FARSB: variants seen among roughly 807,000 people sequenced by gnomAD.
FARSB encodes the protein phenylalanine--tRNA ligase beta subunit.
Under a neutral mutation model 69.6 loss-of-function variants are expected in FARSB, and 40 were observed. That is an observed-to-expected ratio of 0.57 (90% CI 0.45 to 0.75). The LOEUF is 0.75. Ranked by LOEUF, FARSB falls within the 30% of genes least tolerant of loss-of-function variation. The pLI is 0.00. For synonymous variants in FARSB, 235 were observed against 247.2 expected, an observed-to-expected ratio of 0.95 and a Z score of 0.46; for missense variants, 632 against 722.9, an observed-to-expected ratio of 0.87 and a Z score of 1.44.
In FARSB at chr2:222,600,041, T is replaced by C; in HGVS notation, c.1505A>G (p.Tyr502Cys). 6.2e-7 allele frequency: 1 copy of C among 1,611,032 alleles called. No individual in the cohort carries two copies. The highest frequency in any genetic ancestry group is 8.5e-7 in the Non-Finnish European group (1 of 1,179,270). ...KNYRHLCAVY[Y>C]NKNPGFEIIH... ...GATCTCAAACCCAGGATTCTTGTTG[T>C]AATAAACAGCACAGAGATGTCTGTA... Residue 502 changes from tyrosine to cysteine, a missense_variant, in exon 16 of 17, where the codon TAC (tyrosine) becomes TGC (cysteine). Transcript: ENST00000281828.
At chr2:222,650,002 C>T (rs1416986780) in intron 1 of FARSB, among the ~76,000 whole-genome samples, 1 of 152,172 alleles carries the variant, frequency 6.6e-6, no homozygotes, top group African/African-American at 2.4e-5. Flanking sequence ...CCTGCCTTAA[C>T]TACTTCCTCA....
intron 3 of FARSB, among the ~76,000 whole-genome samples, chr2:222,641,496 CA>C (rs1465353222): frequency 6.6e-6 from 1 of 152,176 alleles, no homozygotes; most frequent in East Asian, 1.9e-4. Context: ...TGCTTACAAT[CA>C]ATTGGGGAGT....
rs548893496 is a variant in FARSB, at chr2:222,627,362, G to A, written c.900+1475C>T. On this transcript the variant is annotated intron_variant, in intron 10 of 16. Coordinates refer to ENST00000281828, the MANE Select transcript of FARSB (RefSeq NM_005687.5). Reference sequence around the variant, plus strand: ...ACCAACCCCAAGTCAAAAAGCCCAAGCTAGCCTGCTATATGATGAGGGACA... The same window carrying A: ...ACCAACCCCAAGTCAAAAAGCCCAAACTAGCCTGCTATATGATGAGGGACA... 2.0e-5 allele frequency among the ~76,000 whole-genome samples: 3 copies of A among 152,334 alleles called. No individual in the cohort carries two copies. The South Asian group carries it at 6.2e-4, about 32-fold the overall frequency.
chr2:222,577,075 C>T (rs1408073650), intron 16 of FARSB, among the ~76,000 whole-genome samples: 1 of 151,714 alleles, frequency 6.6e-6, no homozygotes, highest in East Asian at 1.9e-4. Context: ...GACATTAGAG[C>T]TTATAAAAGG....
intron 5 of FARSB, among the ~76,000 whole-genome samples, chr2:222,635,655 T>C (rs1318220665): frequency 2.6e-5 from 4 of 152,078 alleles, no homozygotes; most frequent in African/African-American, 9.7e-5. Flanking sequence ...CCTCAAAACA[T>C]CACCAAAATT....
chr2:222,650,851 G>A (rs1250943141), intron 1 of FARSB, among the ~76,000 whole-genome samples: 1 of 152,144 alleles, frequency 6.6e-6, no homozygotes, highest in African/African-American at 2.4e-5. Flanking sequence ...CCCGATTCCT[G>A]TCTCTCAGAA....
intron 14 of FARSB, among the ~76,000 whole-genome samples, chr2:222,617,775 C>T (rs147938919): frequency 0.011 from 1,625 of 152,180 alleles, 31 homozygotes; most frequent in Non-Finnish European, 0.015. Flanking sequence ...CCCAGCTACT[C>T]GGGAGGCTGG....
intron 15 of FARSB, among the ~76,000 whole-genome samples, chr2:222,606,717 T>C (rs755920669): frequency 1.3e-5 from 2 of 152,206 alleles, no homozygotes; most frequent in Non-Finnish European, 2.9e-5. Context: ...ATAACTCAAA[T>C]TTTTCAAATA....
chr2:222,612,441 A>G (rs2028953), intron 15 of FARSB, among the ~76,000 whole-genome samples: 40,431 of 152,224 alleles, frequency 0.27, 5,751 homozygotes, highest in Middle Eastern at 0.43. Context: ...AGAGTTTGCC[A>G]TGGACAGTAG....
At position 222,642,836 on chromosome 2, in the gene FARSB, A is replaced by T; in HGVS notation, c.269+15T>A. Reference sequence around the variant, plus strand: ...ACCCAACTTAGCAAAGTCTTTAAGGAACATATTTCCTTACCTTTCTTTGAA... The same window carrying T: ...ACCCAACTTAGCAAAGTCTTTAAGGTACATATTTCCTTACCTTTCTTTGAA... On this transcript the variant is annotated intron_variant, in intron 3 of 16. Coordinates refer to ENST00000281828, the MANE Select transcript of FARSB (RefSeq NM_005687.5). 1 of 1,580,544 alleles carries T rather than the reference A, an allele frequency of 6.3e-7. No homozygotes were observed. The highest frequency in any genetic ancestry group is 8.6e-7 in the Non-Finnish European group (1 of 1,163,370).
At chr2:222,608,366 T>C (rs1409614196) in intron 15 of FARSB, among the ~76,000 whole-genome samples, 2 of 152,164 alleles carry the variant, frequency 1.3e-5, no homozygotes, top group Non-Finnish European at 2.9e-5. Flanking sequence ...AATGCTTTTA[T>C]TGAGTTATTT....
chr2:222,632,841 A>G (rs979536490), intron 7 of FARSB, among the ~76,000 whole-genome samples: 3 of 140,868 alleles, frequency 2.1e-5, no homozygotes, highest in Admixed American at 1.4e-4. Flanking sequence ...CAACAACAAC[A>G]AAAAAAAAAA....
At chr2:222,576,690 G>A (rs745726122) in intron 16 of FARSB, among the ~76,000 whole-genome samples, 38 of 152,122 alleles carry the variant, frequency 2.5e-4, no homozygotes, top group Non-Finnish European at 1.8e-4. Flanking sequence ...AACATCTCCA[G>A]TGTTCCATAC....
intron 7 of FARSB, 128 bp downstream of exon 7, chr2:222,633,071 A>C: frequency 1.6e-6 from 1 of 644,032 alleles, no homozygotes; most frequent in South Asian, 1.8e-5. Flanking sequence ...AGAATCTACA[A>C]AAGACCTGAG....
At chr2:222,578,784 C>T (rs1689897013) in intron 16 of FARSB, among the ~76,000 whole-genome samples, 1 of 151,788 alleles carries the variant, frequency 6.6e-6, no homozygotes, top group African/African-American at 2.4e-5. Flanking sequence ...TCGAGACCAT[C>T]CTGGCTAACA....
At chr2:222,577,065 G>A (rs1015490139) in intron 16 of FARSB, among the ~76,000 whole-genome samples, 2 of 152,098 alleles carry the variant, frequency 1.3e-5, no homozygotes, top group African/African-American at 4.8e-5. Context: ...ATGTAGGTAA[G>A]ACATTAGAGC....
Position 222,610,457 on chromosome 2 carries a change from C to T in FARSB, c.1462+3354G>A, listed in dbSNP as rs537743955. Among the ~76,000 whole-genome samples the T allele has an allele frequency of 3.3e-5, 5 of 151,632 alleles. No individual in the cohort carries two copies. In the South Asian group the frequency reaches 1.0e-3, roughly 32 times the overall value. ...ACATTCCTGTTTCCATAAATAAATTCCCACATTCGTCTGTTTTAGTTTTCT... is the reference window on the plus strand; with the variant it reads ...ACATTCCTGTTTCCATAAATAAATTTCCACATTCGTCTGTTTTAGTTTTCT... On this transcript the variant is annotated intron_variant, in intron 15 of 16. Transcript: ENST00000281828.
chr2:222,622,792 T>C (rs1691173326), intron 13 of FARSB, among the ~76,000 whole-genome samples: 1 of 152,174 alleles, frequency 6.6e-6, no homozygotes, highest in Non-Finnish European at 1.5e-5. Context: ...TGCTACGTAC[T>C]TATCCTCTCT....
chr2:222,632,449 G>GT (rs962122725), intron 7 of FARSB, among the ~76,000 whole-genome samples: 1 of 152,124 alleles, frequency 6.6e-6, no homozygotes, highest in African/African-American at 2.4e-5. Context: ...CTTAACCACT[G>GT]TAACTACTAG....
Sources: gnomAD v4.1 joint callset for allele counts (sites outside exome capture counted in the v4.1 genomes callset) on GRCh38, gnomAD v4.1.1 for gene constraint, MANE v1.5 for transcripts, NCBI Gene and HGNC (gene_info 2026-07-23, HGNC 2026-07-21) for gene names.